Variants in SIPA1L1 observed in about 807,000 individuals in gnomAD.
SIPA1L1 encodes the protein signal induced proliferation associated 1 like 1, also known as signal-induced proliferation-associated 1-like protein 1.
A neutral mutation model predicts 162.7 loss-of-function variants in SIPA1L1; 26 were observed. The observed-to-expected ratio is 0.16, with a 90% CI of 0.12 to 0.22. SIPA1L1 has a LOEUF of 0.22. SIPA1L1 is among the 10% of genes least tolerant of loss of function. The pLI, the probability that SIPA1L1 is intolerant of heterozygous loss-of-function variation, is 1.00. For missense variants in SIPA1L1, 1,874 were observed against 2,241.0 expected (o/e 0.84, Z 3.31); for synonymous variants, 829 against 837.4 (o/e 0.99, Z 0.17).
At chr14:71,367,555 G>T (rs1173486055) in intron 2 of SIPA1L1, among the ~76,000 whole-genome samples, 1 of 149,200 alleles carries the variant, frequency 6.7e-6, no homozygotes, top group African/African-American at 2.5e-5. Flanking sequence ...TGATCTGCCC[G>T]CCTCGGCCTC....
chr14:71,518,764 AAC>A (rs945232716), intron 3 of SIPA1L1, among the ~76,000 whole-genome samples: 1 of 151,644 alleles, frequency 6.6e-6, no homozygotes, highest in Non-Finnish European at 1.5e-5. Context: ...AACATGGCAA[AAC>A]ACTGTGTATT....
At chr14:71,393,329 G>T (rs1457692934) in intron 2 of SIPA1L1, among the ~76,000 whole-genome samples, 2 of 152,194 alleles carry the variant, frequency 1.3e-5, no homozygotes, top group Admixed American at 6.5e-5. Context: ...AAAGAAAGAT[G>T]ATATTAATAT....
At chr14:71,738,864 T>C (rs568597833) in intron 23 of SIPA1L1, among the ~76,000 whole-genome samples, 154 bp from the exon 24 acceptor site, 65 of 152,284 alleles carry the variant, frequency 4.3e-4, no homozygotes, top group African/African-American at 1.5e-3. Context: ...TAGAGTGTCT[T>C]AGCACCTGAT....
chr14:71,555,952 G>A (rs2056314729), intron 4 of SIPA1L1, among the ~76,000 whole-genome samples: 1 of 152,134 alleles, frequency 6.6e-6, no homozygotes, highest in African/African-American at 2.4e-5. Context: ...TCACAGATTA[G>A]AAATCACCAA....
chr14:71,461,645 T>A (rs2046611287), intron 2 of SIPA1L1, among the ~76,000 whole-genome samples: 1 of 152,218 alleles, frequency 6.6e-6, no homozygotes, highest in African/African-American at 2.4e-5. Context: ...GCCAAACTCT[T>A]GGCTACAGCC....
intron 2 of SIPA1L1, among the ~76,000 whole-genome samples, chr14:71,455,280 T>C (rs1169558686): frequency 6.6e-6 from 1 of 152,240 alleles, no homozygotes; most frequent in Non-Finnish European, 1.5e-5. Flanking sequence ...TGTATGCCAT[T>C]GTTTGATCAA....
chr14:71,521,756 G>C (rs549482464), intron 3 of SIPA1L1, among the ~76,000 whole-genome samples: 1 of 152,270 alleles, frequency 6.6e-6, no homozygotes, highest in East Asian at 1.9e-4. Context: ...CAAAGGAGCC[G>C]TATCAGTTAA....
At chr14:71,441,487 A>G (rs1026767972) in intron 2 of SIPA1L1, among the ~76,000 whole-genome samples, 3 of 152,216 alleles carry the variant, frequency 2.0e-5, no homozygotes, top group African/African-American at 7.2e-5. Context: ...TCATACTGCT[A>G]TTTGGAAAGG....
rs1828987813 is a variant in SIPA1L1, at chr14:71,588,225, A to G, written c.353A>G (p.Gln118Arg). Reference protein sequence around the residue: ...SLSSKSSPVSQGSSVSLNSND... With the variant: ...SLSSKSSPVSRGSSVSLNSND... ...TCCTCCAAAAGCAGTCCTGTGAGTC[A>G]GGGAAGTTCTGTTAGCCTCAATTCC... Residue 118 changes from glutamine (Q) to arginine (R), a missense_variant, in exon 5 of 24, where the codon CAG becomes CGG. Physicochemically the swap from Gln to Arg is conservative, Grantham distance 43 (BLOSUM62 1). This residue lies in a region of SIPA1L1 where 685 missense variants were observed against 828.0 expected (regional missense o/e 0.83). Transcript: ENST00000381232. This position sits in a 1 kb window ranked among gnomAD's most constrained non-coding sequence, Gnocchi z 4.3. 1 of 1,614,184 alleles carries G rather than the reference A, an allele frequency of 6.2e-7. No homozygotes were observed. The highest frequency in any genetic ancestry group is 8.5e-7 in the Non-Finnish European group (1 of 1,180,008).
chr14:71,686,022 G>C (rs927297414), intron 13 of SIPA1L1, among the ~76,000 whole-genome samples: 2 of 152,156 alleles, frequency 1.3e-5, no homozygotes, highest in African/African-American at 4.8e-5. Flanking sequence ...AGCAACAGAA[G>C]GCAGGTTTTT....
At chr14:71,445,717 C>T (rs1456350240) in intron 2 of SIPA1L1, among the ~76,000 whole-genome samples, 1 of 152,100 alleles carries the variant, frequency 6.6e-6, no homozygotes, top group African/African-American at 2.4e-5. Flanking sequence ...ATTTCTTACT[C>T]GAATTACTAC....
chr14:71,417,741 A>C (rs1238544908), intron 2 of SIPA1L1, among the ~76,000 whole-genome samples: 1 of 152,048 alleles, frequency 6.6e-6, no homozygotes, highest in African/African-American at 2.4e-5. Flanking sequence ...TGCACAGTTC[A>C]AACTCGTATT....
At chr14:71,410,927 C>CT (rs1465402426) in intron 2 of SIPA1L1, among the ~76,000 whole-genome samples, 1 of 152,116 alleles carries the variant, frequency 6.6e-6, no homozygotes, top group Admixed American at 6.5e-5. Flanking sequence ...CCATACCTGT[C>CT]TTTCTTTGAG....
chr14:71,683,491 C>G (rs149742430), intron 12 of SIPA1L1, among the ~76,000 whole-genome samples: 209 of 152,238 alleles, frequency 1.4e-3, no homozygotes, highest in Non-Finnish European at 2.5e-3. Flanking sequence ...AATATTTTTG[C>G]ATTGTATTTA....
At chr14:71,379,867 T>G (rs1269505088) in intron 2 of SIPA1L1, among the ~76,000 whole-genome samples, 1 of 152,258 alleles carries the variant, frequency 6.6e-6, no homozygotes, top group Admixed American at 6.5e-5. Flanking sequence ...TTTACAATTT[T>G]AATACCGTCT....
chr14:71,648,594 C>T (rs1309946797), intron 7 of SIPA1L1, among the ~76,000 whole-genome samples: 1 of 152,110 alleles, frequency 6.6e-6, no homozygotes, highest in East Asian at 1.9e-4. Context: ...AAATGTATGA[C>T]CCATATAGTA....
At chr14:71,647,982 T>C (rs2042315648) in intron 7 of SIPA1L1, among the ~76,000 whole-genome samples, 1 of 152,150 alleles carries the variant, frequency 6.6e-6, no homozygotes, top group South Asian at 2.1e-4. Context: ...GTAGGTCAGA[T>C]TGTATGCTGT....
intron 2 of SIPA1L1, among the ~76,000 whole-genome samples, chr14:71,360,279 T>A (rs2037681060): frequency 6.6e-6 from 1 of 152,236 alleles, no homozygotes. Context: ...TAAAGATATA[T>A]TTGACCTTTA....
chr14:71,339,884 A>G (rs1187243726), intron 2 of SIPA1L1, among the ~76,000 whole-genome samples: 1 of 152,226 alleles, frequency 6.6e-6, no homozygotes, highest in African/African-American at 2.4e-5. Context: ...TGTGGGAGCC[A>G]GGATATTGAG....
Sources: gnomAD v4.1 joint callset for allele counts (sites outside exome capture counted in the v4.1 genomes callset) on GRCh38, gnomAD v4.1.1 for gene constraint, gnomAD v4.1.1 regional missense constraint, Gnocchi (gnomAD v3.1) non-coding constraint, MANE v1.5 for transcripts, NCBI Gene and HGNC (gene_info 2026-07-23, HGNC 2026-07-21) for gene names.